ZFAND3: variants seen among roughly 807,000 people sequenced by gnomAD.
The protein encoded by ZFAND3 is AN1-type zinc finger protein 3.
ZFAND3 carries 10 observed loss-of-function variants against 29.6 expected under a neutral mutation model. That is an observed-to-expected ratio of 0.34 (90% CI 0.21 to 0.57). The LOEUF (loss-of-function observed/expected upper bound fraction) is 0.57. ZFAND3 is among the 20% of genes least tolerant of loss of function. The pLI is 0.86. For synonymous variants in ZFAND3, 128 were observed against 112.6 expected, an observed-to-expected ratio of 1.14 and a Z score of -0.87; for missense variants, 230 against 304.5, an observed-to-expected ratio of 0.76 and a Z score of 1.82.
intron 1 of ZFAND3, among the ~76,000 whole-genome samples, chr6:37,833,614 C>T (rs1454855755): frequency 6.6e-6 from 1 of 151,996 alleles, no homozygotes; most frequent in East Asian, 1.9e-4. Context: ...CACTTGAGGT[C>T]AGGAGTTAGA....
chr6:37,976,584 CAAA>C (rs35783371), intron 2 of ZFAND3, among the ~76,000 whole-genome samples: 6 of 76,898 alleles, frequency 7.8e-5, no homozygotes, highest in African/African-American at 3.3e-4. Flanking sequence ...ACACTGTCTC[CAAA>C]AAAAAAAAAA....
intron 1 of ZFAND3, among the ~76,000 whole-genome samples, chr6:37,868,304 C>T (rs1367931368): frequency 1.3e-5 from 2 of 152,070 alleles, no homozygotes; most frequent in Non-Finnish European, 2.9e-5. Flanking sequence ...TTGAGGGTTA[C>T]AAAAGATGCA....
intron 5 of ZFAND3, among the ~76,000 whole-genome samples, chr6:38,144,177 T>TATATATA (rs1232494948): frequency 1.8e-4 from 3 of 16,698 alleles, no homozygotes; most frequent in East Asian, 1.5e-3. Flanking sequence ...ATGTGATATA[T>TATATATA]ATATATAATA....
chr6:38,072,480 G>T (rs1233851146), intron 3 of ZFAND3, among the ~76,000 whole-genome samples: 1 of 152,048 alleles, frequency 6.6e-6, no homozygotes, highest in Non-Finnish European at 1.5e-5. Flanking sequence ...TAAATTAAAT[G>T]CTCTGTCCTT....
intron 1 of ZFAND3, among the ~76,000 whole-genome samples, chr6:37,885,499 C>T (rs961164662): frequency 6.6e-6 from 1 of 152,046 alleles, no homozygotes; most frequent in Non-Finnish European, 1.5e-5. Flanking sequence ...CAAAAATTAG[C>T]CAGGTGTGGT....
At chr6:37,885,236 T>A (rs911261388) in intron 1 of ZFAND3, among the ~76,000 whole-genome samples, 2 of 152,188 alleles carry the variant, frequency 1.3e-5, no homozygotes, top group Non-Finnish European at 2.9e-5. Context: ...ACTAAAGGTC[T>A]CTATTGAGGT....
intron 1 of ZFAND3, among the ~76,000 whole-genome samples, chr6:37,840,986 C>T (rs916514055): frequency 6.6e-6 from 1 of 152,094 alleles, no homozygotes; most frequent in East Asian, 1.9e-4. Flanking sequence ...AACCATAATG[C>T]TTGAATCTGT....
chr6:38,058,521 A>C (rs1764174914), intron 2 of ZFAND3, among the ~76,000 whole-genome samples: 3 of 152,366 alleles, frequency 2.0e-5, no homozygotes, highest in Admixed American at 6.5e-5. Context: ...AGGAGAAATA[A>C]ATACACAGAA....
At chr6:38,143,417 A>G (rs1397953185) in intron 5 of ZFAND3, among the ~76,000 whole-genome samples, 1 of 152,252 alleles carries the variant, frequency 6.6e-6, no homozygotes, top group East Asian at 1.9e-4. Context: ...GCTCTCAATC[A>G]CCGCTGACTG....
At chr6:37,918,115 T>G (rs1761296973) in intron 1 of ZFAND3, among the ~76,000 whole-genome samples, 1 of 152,112 alleles carries the variant, frequency 6.6e-6, no homozygotes, top group South Asian at 2.1e-4. Flanking sequence ...CTCGCTCTGT[T>G]GCCCAGGCTG....
chr6:38,141,704 A>G (rs1765959948), intron 5 of ZFAND3, among the ~76,000 whole-genome samples: 1 of 152,226 alleles, frequency 6.6e-6, no homozygotes. Flanking sequence ...GGAGAATGGA[A>G]CCAGAATCTA....
rs188218977 is a variant in ZFAND3 at position 38,099,744 on chromosome 6, A to G, written c.362-16828A>G. Among the ~76,000 whole-genome samples the G allele has an allele frequency of 3.9e-4, 60 of 152,370 alleles. No homozygotes were observed. In the East Asian group the frequency reaches 0.011, roughly 27 times the overall value. On this transcript the variant is annotated intron_variant, in intron 4 of 5. Coordinates refer to ENST00000287218, the MANE Select transcript of ZFAND3 (RefSeq NM_021943.3). ...ACAATCTTTAAAATTTTTACCTTGA[A>G]TATGGGTCCCAAGGTATATATGTAT...
intron 4 of ZFAND3, among the ~76,000 whole-genome samples, chr6:38,085,166 G>T (rs373969632): frequency 6.6e-6 from 1 of 152,124 alleles, no homozygotes; most frequent in Non-Finnish European, 1.5e-5. Context: ...TTATGTCTAG[G>T]CTCTTCAAGT....
chr6:38,064,935 A>G (rs1764313520), intron 3 of ZFAND3, among the ~76,000 whole-genome samples: 1 of 152,230 alleles, frequency 6.6e-6, no homozygotes, highest in African/African-American at 2.4e-5. Flanking sequence ...GTTGGAGCTC[A>G]GAGGAGTGAA....
chr6:38,144,231 A>T (rs1262778820), intron 5 of ZFAND3, among the ~76,000 whole-genome samples: 17,043 of 75,080 alleles, frequency 0.23, 1,906 homozygotes, highest in African/African-American at 0.3. Flanking sequence ...ATATATATAT[A>T]TTTTTTTTTT....
intron 2 of ZFAND3, among the ~76,000 whole-genome samples, chr6:38,008,602 C>T (rs1422930694): frequency 6.6e-6 from 1 of 152,144 alleles, no homozygotes; most frequent in Middle Eastern, 3.4e-3. Flanking sequence ...GAGAGATTTT[C>T]TCTCTCTCTC....
chr6:37,935,894 C>T (rs995957491), intron 2 of ZFAND3, among the ~76,000 whole-genome samples: 9 of 152,142 alleles, frequency 5.9e-5, no homozygotes, highest in Non-Finnish European at 1.2e-4. Context: ...CGATAGCCTA[C>T]TACAGTGTTA....
In ZFAND3 at chr6:38,080,043, T is replaced by TA. The variant is rs1231695788; in HGVS notation, c.296-2345dup. Among the ~76,000 whole-genome samples, 225 of 147,110 alleles carry TA rather than the reference T, an allele frequency of 1.5e-3. 1 individual carries two copies. The highest frequency in any genetic ancestry group is 4.7e-3 in the African/African-American group (188 of 40,028). ...TCTCTCAAATGTTACACCCTAATTT[T>TA]AAAAGTTCCTCCAAAAAAAAAAAAA... On this transcript the variant is annotated intron_variant, in intron 3 of 5. Coordinates refer to ENST00000287218, the MANE Select transcript of ZFAND3 (RefSeq NM_021943.3).
rs1327175502 is a variant in ZFAND3 at position 38,012,171 on chromosome 6, A to G, written c.113-49422A>G. 3.3e-5 allele frequency among the ~76,000 whole-genome samples: 5 copies of G among 152,088 alleles called. 1 individual carries two copies. The highest frequency in any genetic ancestry group is 3.3e-4 in the Admixed American group (5 of 15,272). On this transcript the variant is annotated intron_variant, in intron 2 of 5. Coordinates refer to ENST00000287218, the MANE Select transcript of ZFAND3 (RefSeq NM_021943.3). ...ATGTAAGCATCTCCGTTCCTAGTGGAGAAGTTGCGTCGTGTTCTCAAGAAG... is the reference window on the plus strand; with the variant it reads ...ATGTAAGCATCTCCGTTCCTAGTGGGGAAGTTGCGTCGTGTTCTCAAGAAG...
Sources: allele counts gnomAD v4.1 joint callset (sites outside exome capture counted in the v4.1 genomes callset), GRCh38; gene constraint gnomAD v4.1.1; transcripts MANE v1.5; gene names NCBI Gene and HGNC (gene_info 2026-07-23, HGNC 2026-07-21).